The following ARHGEF4 variants were observed in gnomAD, a reference collection of about 807,000 sequenced individuals.
ARHGEF4 encodes APC-stimulated guanine nucleotide exchange factor 1.
ARHGEF4 carries 119 observed loss-of-function variants against 162.0 expected under a neutral mutation model. The observed-to-expected ratio is 0.73, with a 90% confidence interval of 0.63 to 0.86. The LOEUF (loss-of-function observed/expected upper bound fraction) is 0.86. Among genes scored for constraint, ARHGEF4 ranks in the 40% least tolerant of loss-of-function variants. The pLI is 0.00. For synonymous variants in ARHGEF4, 1,014 were observed against 979.9 expected (o/e 1.03, Z -0.65); for missense variants, 2,488 against 2,456.0 (o/e 1.01, Z -0.28).
chr2:130,970,006 A>G (rs1351368872), intron 4 of ARHGEF4, among the ~76,000 whole-genome samples: 1 of 152,162 alleles, frequency 6.6e-6, no homozygotes, highest in Non-Finnish European at 1.5e-5. Flanking sequence ...ATTTCAGCAA[A>G]TGGATGTATC....
chr2:130,970,196 C>T (rs572762059), intron 4 of ARHGEF4, among the ~76,000 whole-genome samples: 12 of 152,332 alleles, frequency 7.9e-5, no homozygotes, highest in Non-Finnish European at 1.5e-4. Context: ...GCGTGTTTCA[C>T]TGTATAAGAA....
chr2:130,897,453 C>A (rs1680227749), intron 1 of ARHGEF4, among the ~76,000 whole-genome samples: 1 of 149,744 alleles, frequency 6.7e-6, no homozygotes, highest in South Asian at 2.1e-4. Flanking sequence ...TGAGCACTGC[C>A]CTATCAACAC....
chr2:130,916,432 C>T lies in ARHGEF4; in HGVS notation c.2486C>T (p.Pro829Leu), dbSNP rs1408642818. 3 of 1,538,204 alleles carry T rather than the reference C, an allele frequency of 2.0e-6. No individual in the cohort carries two copies. In the African/African-American group the frequency reaches 4.1e-5, roughly 21 times the overall value. Residue 829 changes from proline (P) to leucine (L), a missense_variant, in exon 2 of 14, where the codon CCC becomes CTC. Pro to Leu is a moderately conservative substitution (Grantham distance 98). This residue lies in a region of ARHGEF4 where 1,642 missense variants were observed against 1,481.5 expected (regional missense o/e 1.11). Transcript: ENST00000409359. ...GGTCGCCGCTGGGGCTCTTCAGGCCCCGAGGGGCTCCCCAGGGAGAATCCG... is the reference window on the plus strand; with the variant it reads ...GGTCGCCGCTGGGGCTCTTCAGGCCTCGAGGGGCTCCCCAGGGAGAATCCG... Reference protein sequence around the residue: ...TEGRRWGSSGPEGLPRENPPA... With the variant: ...TEGRRWGSSGLEGLPRENPPA...
chr2:130,925,035 A>AGTGTGTGTGTGT (rs55986926), intron 2 of ARHGEF4, among the ~76,000 whole-genome samples: 2 of 137,888 alleles, frequency 1.5e-5, no homozygotes, highest in African/African-American at 2.7e-5. Flanking sequence ...AGGAGTTCTA[A>AGTGTGTGTGTGT]GTGTGTGTGT....
chr2:130,962,096 G>T (rs1433187173), intron 4 of ARHGEF4, among the ~76,000 whole-genome samples: 3 of 152,134 alleles, frequency 2.0e-5, no homozygotes, highest in Non-Finnish European at 4.4e-5. Flanking sequence ...AAAATTAGCT[G>T]GGCATGGTGG....
At position 130,933,424 on chromosome 2, in the gene ARHGEF4, C is replaced by T. The variant is rs184079708; in HGVS notation, c.3858+2167C>T. 1.9e-4 allele frequency among the ~76,000 whole-genome samples: 29 copies of T among 152,208 alleles called. No homozygotes were observed. The East Asian group carries it at 5.6e-3, about 29-fold the overall frequency. On this transcript the variant is annotated intron_variant, in intron 3 of 13. Coordinates refer to ENST00000409359, the MANE Select transcript of ARHGEF4 (RefSeq NM_001367493.1). ...GGCTTTTTGTTGGACCTTGCAATTT[C>T]ATATGAATCTTATAATTTCCAATTC...
intron 5 of ARHGEF4, chr2:131,035,906 G>A: frequency 1.0e-6 from 1 of 978,796 alleles, no homozygotes; most frequent in South Asian, 4.7e-5. Context: ...TGGCAGCGTT[G>A]CCCTTCTGGA....
intron 4 of ARHGEF4, among the ~76,000 whole-genome samples, chr2:130,982,597 T>TCTCC: frequency 8.0e-6 from 1 of 124,228 alleles, no homozygotes; most frequent in Non-Finnish European, 1.8e-5. Flanking sequence ...TCCTCCTCCT[T>TCTCC]TCCCTCCTCC....
At chr2:130,959,672 A>G (rs1486771976) in intron 4 of ARHGEF4, among the ~76,000 whole-genome samples, 1 of 152,224 alleles carries the variant, frequency 6.6e-6, no homozygotes, top group African/African-American at 2.4e-5. Context: ...TAATCCTGCA[A>G]AAGTAGTTGT....
At chr2:130,995,562 G>A (rs1687321801) in intron 4 of ARHGEF4, among the ~76,000 whole-genome samples, 1 of 152,094 alleles carries the variant, frequency 6.6e-6, no homozygotes. Flanking sequence ...ATTTTATTTG[G>A]TTATGAATAA....
chr2:131,021,454 C>T (rs914258863), intron 4 of ARHGEF4, among the ~76,000 whole-genome samples: 27 of 152,112 alleles, frequency 1.8e-4, no homozygotes, highest in Admixed American at 1.8e-3. Flanking sequence ...TGGATCCCTT[C>T]CTTACACCTT....
intron 1 of ARHGEF4, among the ~76,000 whole-genome samples, chr2:130,885,551 C>A (rs1006236487): frequency 2.1e-5 from 3 of 141,218 alleles, no homozygotes; most frequent in African/African-American, 7.9e-5. Context: ...ATAGCACTCT[C>A]TTTTTTCTTA....
rs570128908 is a variant in ARHGEF4 at position 130,905,180 on chromosome 2, G to A, written c.40-8806G>A. On this transcript the variant is annotated intron_variant, in intron 1 of 13. Coordinates refer to ENST00000409359, the MANE Select transcript of ARHGEF4 (RefSeq NM_001367493.1). ...TAATTATAGAATACACAAAATTATC[G>A]CACATTCTCTATTTTCTTTTCTAAG... is the stretch of plus-strand genomic sequence containing the variant. Among the ~76,000 whole-genome samples, 14 of 151,926 alleles carry A rather than the reference G, an allele frequency of 9.2e-5. No individual in the cohort carries two copies. In the South Asian group the frequency reaches 1.2e-3, roughly 14 times the overall value.
intron 4 of ARHGEF4, among the ~76,000 whole-genome samples, chr2:131,018,426 G>C (rs904203661): frequency 6.6e-6 from 1 of 152,028 alleles, no homozygotes; most frequent in East Asian, 1.9e-4. Flanking sequence ...TTTGAGTTGG[G>C]CTAGTTTTTG....
chr2:130,840,844 G>A (rs1259631492), intron 1 of ARHGEF4, among the ~76,000 whole-genome samples: 1 of 152,160 alleles, frequency 6.6e-6, no homozygotes, highest in Non-Finnish European at 1.5e-5. Flanking sequence ...GTACTTCTCT[G>A]TCCAGGAGGC....
At chr2:131,020,965 C>A (rs1306970998) in intron 4 of ARHGEF4, among the ~76,000 whole-genome samples, 1 of 152,108 alleles carries the variant, frequency 6.6e-6, no homozygotes, top group African/African-American at 2.4e-5. Context: ...TTTCATGTGT[C>A]TTTTGGCTGC....
At chr2:130,846,020 G>T (rs73960345) in intron 1 of ARHGEF4, among the ~76,000 whole-genome samples, 8,064 of 152,220 alleles carry the variant, frequency 0.053, 261 homozygotes, top group Middle Eastern at 0.071. Context: ...TGTGCTTCCA[G>T]TGTGTGAGTT....
At chr2:130,991,246 A>G (rs1225949875) in intron 4 of ARHGEF4, among the ~76,000 whole-genome samples, 1 of 152,246 alleles carries the variant, frequency 6.6e-6, no homozygotes, top group Non-Finnish European at 1.5e-5. Context: ...TAGACCGAAA[A>G]CCTGCTTATT....
chr2:130,839,261 T>C (rs1353471574), intron 1 of ARHGEF4, among the ~76,000 whole-genome samples: 1 of 152,140 alleles, frequency 6.6e-6, no homozygotes, highest in Non-Finnish European at 1.5e-5. Context: ...GCAGAGGAGC[T>C]ACGTGCTTCA....
Sources: allele counts gnomAD v4.1 joint callset (sites outside exome capture counted in the v4.1 genomes callset), GRCh38; gene constraint gnomAD v4.1.1; regional missense constraint gnomAD v4.1.1; transcripts MANE v1.5; gene names NCBI Gene and HGNC (gene_info 2026-07-23, HGNC 2026-07-21).